Variants in DIPK2A observed in about 807,000 individuals in gnomAD.
DIPK2A encodes the protein Golgi Protein of 49 kDa.
In DIPK2A, 27 loss-of-function variants were observed where a neutral mutation model predicts 39.0. The ratio of observed to expected loss-of-function variants is 0.69; its 90% confidence interval spans 0.51 to 0.96. DIPK2A has a LOEUF of 0.96. Ranked by LOEUF, DIPK2A falls within the 40% of genes least tolerant of loss-of-function variation. The pLI, the probability that DIPK2A is intolerant of heterozygous loss-of-function variation, is 0.00. For synonymous variants in DIPK2A, 298 were observed against 240.8 expected (o/e 1.24, Z -2.20); for missense variants, 528 against 571.3 (o/e 0.92, Z 0.77).
intron 2 of DIPK2A, among the ~76,000 whole-genome samples, chr3:143,987,303 A>G (rs1475655035): frequency 6.6e-6 from 1 of 152,224 alleles, no homozygotes; most frequent in Middle Eastern, 3.2e-3. Flanking sequence ...ATAATTTTTT[A>G]TAATTCATTT....
intron 1 of DIPK2A, among the ~76,000 whole-genome samples, chr3:143,976,529 A>AGTGT (rs1339190658): frequency 3.6e-5 from 4 of 112,336 alleles, no homozygotes; most frequent in African/African-American, 1.9e-4. Context: ...ACAGAAAGGG[A>AGTGT]GAGTGTGTGT....
intron 1 of DIPK2A, among the ~76,000 whole-genome samples, chr3:143,976,553 TGTGAGA>T (rs1374310879): frequency 8.2e-4 from 85 of 103,618 alleles, no homozygotes; most frequent in Admixed American, 2.5e-3. Flanking sequence ...TGTGTGTGTG[TGTGAGA>T]GAGAGAGAGA....
At chr3:143,980,693 T>C (rs1189241450) in intron 1 of DIPK2A, among the ~76,000 whole-genome samples, 2 of 152,138 alleles carry the variant, frequency 1.3e-5, no homozygotes, top group African/African-American at 2.4e-5. Context: ...TTAGATTGTA[T>C]GTTTTATTAA....
intron 1 of DIPK2A, among the ~76,000 whole-genome samples, chr3:143,984,671 A>C (rs1012992909): frequency 8.2e-6 from 1 of 122,066 alleles, no homozygotes; most frequent in Non-Finnish European, 1.6e-5. Flanking sequence ...ATGAGTGTTC[A>C]TGGTCATGGA....
chr3:143,977,260 T>C (rs1416165336), intron 1 of DIPK2A, among the ~76,000 whole-genome samples: 2 of 152,110 alleles, frequency 1.3e-5, no homozygotes, highest in Admixed American at 1.3e-4. Context: ...AATGAAGCTA[T>C]TGGATTAGAT....
chr3:143,990,426 GT>G lies in DIPK2A; in HGVS notation c.*603del, dbSNP rs368566375. ...AGGGCAGGATTCCCAGGTTTACTGTGTTTTTTTTTTTTTTTTTTAAAGAAAG... is the reference window on the plus strand; with the variant it reads ...AGGGCAGGATTCCCAGGTTTACTGTGTTTTTTTTTTTTTTTTTAAAGAAAG... On this transcript the variant is annotated 3_prime_UTR_variant, in exon 3 of 3. Transcript: ENST00000315691. 6,370 of 96,650 alleles carry G rather than the reference GT, an allele frequency of 0.066. 148 individuals are homozygous for G. The highest frequency in any genetic ancestry group is 0.1 in the Middle Eastern group (14 of 134). The allele number at this position is 96,650 out of a possible 1,614,324, so 6.0% of individuals were successfully genotyped here. A position where few individuals can be genotyped will look rare whatever the true frequency, so the allele number is the denominator to read the frequency against.
chr3:143,973,070 C>A, intron 1 of DIPK2A, 81 bp downstream of exon 1: 1 of 1,476,238 alleles, frequency 6.8e-7, no homozygotes, highest in South Asian at 1.2e-5. Flanking sequence ...GCTCAGCCAG[C>A]GCTTGCCGCC....
rs1407909150 is a variant in DIPK2A, at chr3:143,972,030, C to T, written c.-303C>T. The T allele has an allele frequency of 2.1e-5, 7 of 335,942 alleles. No homozygotes were observed. The highest frequency in any genetic ancestry group is 3.8e-5 in the Non-Finnish European group (7 of 186,194). The allele number at this position is 335,942 out of a possible 1,614,324, so 20.8% of individuals were successfully genotyped here. A position where few individuals can be genotyped will look rare whatever the true frequency, so the allele number is the denominator to read the frequency against. On this transcript the variant is annotated 5_prime_UTR_variant, in exon 1 of 3. Transcript: ENST00000315691. The stretch of plus-strand genomic sequence containing the variant: ...CGTCGGGTCCCCGCGCTCCCTCCCC[C>T]TCCCGCTCCTCTATAACTTGGCTGG...
At position 143,991,659 on chromosome 3, in the gene DIPK2A, A is replaced by G. The variant is rs1042619981; in HGVS notation, c.*1818A>G. ...CATTGCGTATATCAACTGGCCCTCA[A>G]TGAAGCATTTAAGTGCTTGGAATTT... is the stretch of plus-strand genomic sequence containing the variant. On this transcript the variant is annotated 3_prime_UTR_variant, in exon 3 of 3. Transcript: ENST00000315691. 2.6e-5 allele frequency: 4 copies of G among 152,618 alleles called. No homozygotes were observed. Among genetic ancestry groups the G allele is most frequent in the African/African-American group, 9.6e-5 (4 of 41,468 alleles). 9.5% of individuals were successfully genotyped at this position (152,618 alleles called of 1,614,324 possible).
chr3:143,987,456 A>G (rs2087919547), intron 2 of DIPK2A, among the ~76,000 whole-genome samples: 1 of 152,152 alleles, frequency 6.6e-6, no homozygotes, highest in Non-Finnish European at 1.5e-5. Context: ...CAAATGTCTC[A>G]TGGGTCCTCT....
chr3:143,986,870 A>G (rs1472078467), intron 2 of DIPK2A, among the ~76,000 whole-genome samples: 1 of 137,950 alleles, frequency 7.2e-6, no homozygotes, highest in East Asian at 2.1e-4. Context: ...ATATTTTTTA[A>G]TCCCCTCTTT....
intron 2 of DIPK2A, among the ~76,000 whole-genome samples, chr3:143,987,656 C>A (rs1337481244): frequency 2.6e-5 from 4 of 152,204 alleles, no homozygotes; most frequent in African/African-American, 4.8e-5. Flanking sequence ...GAACTTGTTA[C>A]ATCAGTTATC....
In DIPK2A at chr3:143,991,642, A is replaced by G. The variant is rs193041630; in HGVS notation, c.*1801A>G. The G allele has an allele frequency of 2.0e-5, 3 of 152,762 alleles. No homozygotes were observed. The highest frequency in any genetic ancestry group is 1.9e-4 in the East Asian group (1 of 5,186). 9.5% of individuals were successfully genotyped at this position (152,762 alleles called of 1,614,324 possible). ...ATTTTTACACATTAGTGCATTGCGT[A>G]TATCAACTGGCCCTCAATGAAGCAT... On this transcript the variant is annotated 3_prime_UTR_variant, in exon 3 of 3. Coordinates refer to ENST00000315691, the MANE Select transcript of DIPK2A (RefSeq NM_173552.5).
intron 1 of DIPK2A, among the ~76,000 whole-genome samples, chr3:143,984,565 T>C (rs1365080978): frequency 6.6e-6 from 1 of 152,018 alleles, no homozygotes; most frequent in Admixed American, 6.6e-5. Context: ...CACACATTTA[T>C]TGATTCCTTT....
chr3:143,973,264 C>G (rs773516917), intron 1 of DIPK2A: 1 of 1,337,358 alleles, frequency 7.5e-7, no homozygotes, highest in East Asian at 2.5e-5. Flanking sequence ...GAGTGCGTCT[C>G]TTAACACTCC....
At position 143,972,729 on chromosome 3, in the gene DIPK2A, C is replaced by T. The variant is rs769611892; in HGVS notation, c.397C>T (p.Pro133Ser). ...QSICKRATGR[P>S]RCDLLQAMPR... ...CATCTGCAAGCGGGCCACCGGCCGG[C>T]CCCGCTGCGACCTGCTGCAGGCCAT... Residue 133 changes from proline to serine, a missense_variant, in exon 1 of 3, where the codon CCC becomes TCC. This residue lies in a region of DIPK2A where 309 missense variants were observed against 289.8 expected (regional missense o/e 1.07). Transcript: ENST00000315691. 10 of 1,588,866 alleles carry T rather than the reference C, an allele frequency of 6.3e-6. No individual in the cohort carries two copies. The highest frequency in any genetic ancestry group is 3.5e-5 in the Admixed American group (2 of 57,622).
Position 143,989,632 on chromosome 3 carries a change from G to A in DIPK2A, c.1084G>A (p.Ala362Thr). The change falls in exon 3 of 3, where the codon GCT (alanine) becomes ACT (threonine). Residue 362 changes from alanine to threonine, a missense_variant. Physicochemically the swap from Ala to Thr is moderately conservative, Grantham distance 58 (BLOSUM62 0). Coordinates refer to ENST00000315691, the MANE Select transcript of DIPK2A (RefSeq NM_173552.5). ...TGCCACTGTGGACCACAATTACTATGCTGTTTGTCAGAACCTCTTATCCAG... is the reference window on the plus strand; with the variant it reads ...TGCCACTGTGGACCACAATTACTATACTGTTTGTCAGAACCTCTTATCCAG... ...ARATVDHNYY[A>T]VCQNLLSRHA... 6.2e-7 allele frequency: 1 copy of A among 1,614,164 alleles called. No individual in the cohort carries two copies. Among genetic ancestry groups the A allele is most frequent in the Non-Finnish European group, 8.5e-7 (1 of 1,180,036 alleles).
intron 1 of DIPK2A, among the ~76,000 whole-genome samples, chr3:143,985,046 G>C (rs961625926): frequency 6.6e-6 from 1 of 152,194 alleles, no homozygotes; most frequent in Non-Finnish European, 1.5e-5. Flanking sequence ...TTTGGTGACT[G>C]CATGCTCTTC....
rs573949996 is a variant in DIPK2A at position 143,976,861 on chromosome 3, C to G, written c.657+3872C>G. On this transcript the variant is annotated intron_variant, in intron 1 of 2. Coordinates refer to ENST00000315691, the MANE Select transcript of DIPK2A (RefSeq NM_173552.5). The stretch of plus-strand genomic sequence containing the variant: ...TAAATGATATAATACATGCAAAGCA[C>G]TTCACGTAGTATCTGGTAAATTGTA... 2.6e-5 allele frequency among the ~76,000 whole-genome samples: 4 copies of G among 152,092 alleles called. No homozygotes were observed. The East Asian group carries it at 7.7e-4, about 29-fold the overall frequency.
Sources: allele counts gnomAD v4.1 joint callset (sites outside exome capture counted in the v4.1 genomes callset), GRCh38; gene constraint gnomAD v4.1.1; regional missense constraint gnomAD v4.1.1; transcripts MANE v1.5; gene names NCBI Gene and HGNC (gene_info 2026-07-23, HGNC 2026-07-21).